Variants in BRINP3 observed in about 807,000 individuals in gnomAD.
BRINP3 encodes BMP/retinoic acid-inducible neural-specific protein 3.
In BRINP3, 19 loss-of-function variants were observed where a neutral mutation model predicts 71.0. The observed-to-expected ratio is 0.27, with a 90% CI of 0.19 to 0.39. The LOEUF (loss-of-function observed/expected upper bound fraction) is 0.39. Ranked by LOEUF, BRINP3 falls within the 10% of genes least tolerant of loss-of-function variation. The pLI, the probability that BRINP3 is intolerant of heterozygous loss-of-function variation, is 1.00. For missense variants in BRINP3, 959 were observed against 940.8 expected (o/e 1.02, Z -0.25); for synonymous variants, 380 against 337.7 (o/e 1.13, Z -1.37).
At chr1:190,166,560 C>T (rs565189086) in intron 6 of BRINP3, among the ~76,000 whole-genome samples, 1 of 152,216 alleles carries the variant, frequency 6.6e-6, no homozygotes, top group African/African-American at 2.4e-5. Flanking sequence ...ACAGGTGTAC[C>T]ACCCAGATTT....
rs140670727 is a variant in BRINP3 at position 190,226,035 on chromosome 1, A to T, written c.961+47T>A. 1,299 of 1,228,162 alleles carry T rather than the reference A, an allele frequency of 1.1e-3. 9 individuals carry two copies. The African/African-American group carries it at 0.018, about 17-fold the overall frequency. 76.1% of individuals were successfully genotyped at this position (1,228,162 alleles called of 1,614,324 possible). A position where few individuals can be genotyped will look rare whatever the true frequency, so the allele number is the denominator to read the frequency against. The stretch of plus-strand genomic sequence containing the variant: ...AAGGACAAATTAGCCATTTCAATAT[A>T]TTTTTTGTCAATATTTAAAAGTGTT... On this transcript the variant is annotated intron_variant, in intron 6 of 7. Coordinates refer to ENST00000367462, the MANE Select transcript of BRINP3 (RefSeq NM_199051.3).
chr1:190,474,103 T>C (rs1677337961), intron 1 of BRINP3, among the ~76,000 whole-genome samples: 1 of 152,226 alleles, frequency 6.6e-6, no homozygotes, highest in Non-Finnish European at 1.5e-5. Flanking sequence ...CCATGTTTTA[T>C]TAAGATTATA....
intron 7 of BRINP3, among the ~76,000 whole-genome samples, chr1:190,103,246 G>A (rs1045578940): frequency 5.9e-5 from 9 of 152,006 alleles, no homozygotes; most frequent in African/African-American, 1.9e-4. Context: ...AGTTTTCTGA[G>A]TCCCAATGTG....
rs190123682 is a variant in BRINP3, at chr1:190,454,825, T to C, written c.66A>G (p.Ala22=). 6.2e-7 allele frequency: 1 copy of C among 1,614,156 alleles called. No homozygotes were observed. The highest frequency in any genetic ancestry group is 1.3e-5 in the African/African-American group (1 of 75,036). The change falls in exon 2 of 8, where the codon GCA becomes GCG. Residue 22 remains alanine, a synonymous_variant. Transcript: ENST00000367462. ...CTAAAACCCAGCAATGAAGACTCAG[T>C]GCTATCCACTCCCATAGAGCCATCA... ...FSLMALWEWI[A]LSLHCWVLAV...
At chr1:190,155,061 C>T (rs1343994950) in intron 7 of BRINP3, among the ~76,000 whole-genome samples, 2 of 152,062 alleles carry the variant, frequency 1.3e-5, no homozygotes, top group East Asian at 3.9e-4. Context: ...TCTCATGAGT[C>T]CAATGATGAT....
chr1:190,406,689 C>T (rs889079848), intron 2 of BRINP3, among the ~76,000 whole-genome samples: 5 of 152,118 alleles, frequency 3.3e-5, no homozygotes, highest in Non-Finnish European at 5.9e-5. Context: ...GCTAAAGATG[C>T]TCTTGTCTAA....
At chr1:190,156,944 A>T (rs1005786051) in intron 7 of BRINP3, among the ~76,000 whole-genome samples, 5 of 151,996 alleles carry the variant, frequency 3.3e-5, no homozygotes, top group African/African-American at 4.8e-5. Context: ...TTGTATGTCA[A>T]CTTATAATTC....
intron 2 of BRINP3, among the ~76,000 whole-genome samples, chr1:190,324,549 ATATGATG>A (rs1190614753): frequency 6.6e-6 from 1 of 151,986 alleles, no homozygotes; most frequent in Non-Finnish European, 1.5e-5. Context: ...TGTTTATACA[ATATGATG>A]ACCAATATTG....
At chr1:190,196,519 A>G (rs1009244157) in intron 6 of BRINP3, among the ~76,000 whole-genome samples, 1 of 152,130 alleles carries the variant, frequency 6.6e-6, no homozygotes, top group African/African-American at 2.4e-5. Context: ...CTCAGCCAGA[A>G]ATCCAAGAGA....
chr1:190,252,580 G>A (rs559693670), intron 4 of BRINP3, among the ~76,000 whole-genome samples: 4 of 152,024 alleles, frequency 2.6e-5, no homozygotes, highest in Non-Finnish European at 5.9e-5. Flanking sequence ...GGAACACTGG[G>A]ATTGCTGCAG....
rs397862994 is a variant in BRINP3, at chr1:190,317,171, CAAAAA to C, written c.237-35426_237-35422del. Among the ~76,000 whole-genome samples, 537 of 77,178 alleles carry C rather than the reference CAAAAA, an allele frequency of 7.0e-3. 6 individuals carry two copies. Among genetic ancestry groups the C allele is most frequent in the African/African-American group, 0.023 (497 of 22,086 alleles). 50.6% of individuals were successfully genotyped at this position (77,178 alleles called of 152,430 possible). On this transcript the variant is annotated intron_variant, in intron 2 of 7. Coordinates refer to ENST00000367462, the MANE Select transcript of BRINP3 (RefSeq NM_199051.3). ...TGGGTGGCTGAGCGAGAGTCCATCT[CAAAAA>C]AAAAAAAAAAAAAAAAGTCTCTAAA...
At chr1:190,345,762 TATTA>T (rs1471154827) in intron 2 of BRINP3, among the ~76,000 whole-genome samples, 2 of 150,274 alleles carry the variant, frequency 1.3e-5, no homozygotes, top group African/African-American at 2.4e-5. Context: ...TGGAACTCCT[TATTA>T]ATTGTCTTCT....
intron 6 of BRINP3, among the ~76,000 whole-genome samples, chr1:190,161,921 G>A (rs1010745099): frequency 6.6e-6 from 1 of 151,976 alleles, no homozygotes; most frequent in East Asian, 1.9e-4. Flanking sequence ...TCCCTTTAAC[G>A]AAATATCAAT....
At chr1:190,308,875 A>G (rs1018034790) in intron 2 of BRINP3, among the ~76,000 whole-genome samples, 7 of 151,992 alleles carry the variant, frequency 4.6e-5, no homozygotes, top group African/African-American at 1.4e-4. Context: ...TGTGGAAAAC[A>G]GTATGGCAGT....
intron 4 of BRINP3, 114 bp from the exon 5 acceptor site, chr1:190,234,591 G>A (rs1658338843): frequency 7.0e-6 from 5 of 712,794 alleles, no homozygotes; most frequent in Non-Finnish European, 1.2e-5. Context: ...ATCACTGAAA[G>A]GTCCAGGATC....
At chr1:190,186,473 TAAAATACG>T (rs947237047) in intron 6 of BRINP3, among the ~76,000 whole-genome samples, 14 of 152,286 alleles carry the variant, frequency 9.2e-5, no homozygotes, top group African/African-American at 3.4e-4. Context: ...ATTGTGGATT[TAAAATACG>T]AAAATAAAGG....
At chr1:190,244,780 C>T (rs962402399) in intron 4 of BRINP3, among the ~76,000 whole-genome samples, 1 of 151,982 alleles carries the variant, frequency 6.6e-6, no homozygotes, top group Non-Finnish European at 1.5e-5. Context: ...TTTTCTCCTA[C>T]TCAATGTAGG....
chr1:190,476,420 G>A (rs1677508450), intron 1 of BRINP3, among the ~76,000 whole-genome samples: 1 of 152,070 alleles, frequency 6.6e-6, no homozygotes, highest in Admixed American at 6.6e-5. Flanking sequence ...ATACATGCAG[G>A]TTTGGCATTT....
chr1:190,473,656 G>C (rs918917396), intron 1 of BRINP3, among the ~76,000 whole-genome samples: 1 of 150,272 alleles, frequency 6.7e-6, no homozygotes, highest in South Asian at 2.1e-4. Flanking sequence ...TATTCAGAAT[G>C]TGTTTGTCAT....
Sources: allele counts gnomAD v4.1 joint callset (sites outside exome capture counted in the v4.1 genomes callset), GRCh38; gene constraint gnomAD v4.1.1; transcripts MANE v1.5; gene names NCBI Gene and HGNC (gene_info 2026-07-23, HGNC 2026-07-21).